Variants in NUDT3 observed in about 807,000 individuals in gnomAD.
NUDT3 encodes the protein nudix hydrolase 3.
NUDT3 carries 9 observed loss-of-function variants against 23.6 expected under a neutral mutation model. The ratio of observed to expected loss-of-function variants is 0.38; its 90% confidence interval spans 0.23 to 0.66. The LOEUF is 0.66. NUDT3 is among the 30% of genes least tolerant of loss of function. NUDT3 has a pLI of 0.52. For missense variants in NUDT3, 172 were observed against 218.5 expected (o/e 0.79, Z 1.34); for synonymous variants, 86 against 82.6 (o/e 1.04, Z -0.22).
chr6:34,314,390 TA>T (rs5875502), intron 2 of NUDT3, among the ~76,000 whole-genome samples: 40,524 of 123,932 alleles, frequency 0.33, 6,890 homozygotes, highest in East Asian at 0.48. Context: ...CTGTCTCTAC[TA>T]AAAAAAAAAA....
chr6:34,328,789 T>G (rs1165492483), intron 2 of NUDT3, among the ~76,000 whole-genome samples: 1 of 152,210 alleles, frequency 6.6e-6, no homozygotes, highest in Non-Finnish European at 1.5e-5. Context: ...ATACTTATGT[T>G]GAAATGATCA....
At chr6:34,345,009 AAAAAG>A (rs1764342887) in intron 1 of NUDT3, among the ~76,000 whole-genome samples, 1 of 152,012 alleles carries the variant, frequency 6.6e-6, no homozygotes, top group Non-Finnish European at 1.5e-5. Flanking sequence ...TTGATTAAAA[AAAAAG>A]AAAACTAGTT....
At chr6:34,293,561 A>G (rs1317607719) in intron 3 of NUDT3, 26 bp from the exon 4 acceptor site, 1 of 1,609,730 alleles carries the variant, frequency 6.2e-7, no homozygotes, top group Admixed American at 1.7e-5. Context: ...AGAAGGATAG[A>G]GAGAGTTTTT....
intron 1 of NUDT3, among the ~76,000 whole-genome samples, chr6:34,348,489 AG>A: frequency 6.6e-6 from 1 of 152,180 alleles, no homozygotes; most frequent in Admixed American, 6.5e-5. Flanking sequence ...CTCAAAAAAA[AG>A]AAACAGGCTG....
chr6:34,325,776 G>A (rs1409703145), intron 2 of NUDT3, among the ~76,000 whole-genome samples: 1 of 152,136 alleles, frequency 6.6e-6, no homozygotes, highest in African/African-American at 2.4e-5. Context: ...GACCAAAGGA[G>A]ATAAAAATAT....
At chr6:34,290,463 C>G (rs150949397) in intron 4 of NUDT3, among the ~76,000 whole-genome samples, 1 of 149,058 alleles carries the variant, frequency 6.7e-6, no homozygotes, top group Admixed American at 6.7e-5. Flanking sequence ...TCAAGTGATC[C>G]TCCTGCCTTA....
chr6:34,331,129 A>G (rs1164872977), intron 2 of NUDT3, among the ~76,000 whole-genome samples: 1 of 152,188 alleles, frequency 6.6e-6, no homozygotes, highest in Non-Finnish European at 1.5e-5. Flanking sequence ...TGCTGGGATA[A>G]TAAGGGTGAG....
chr6:34,327,702 A>G (rs965123344), intron 2 of NUDT3, among the ~76,000 whole-genome samples: 7 of 152,182 alleles, frequency 4.6e-5, no homozygotes, highest in Non-Finnish European at 8.8e-5. Flanking sequence ...AAGCTTCCAG[A>G]TGACTGTGGG....
intron 1 of NUDT3, among the ~76,000 whole-genome samples, chr6:34,390,727 G>A (rs1343706288): frequency 6.6e-6 from 1 of 152,056 alleles, no homozygotes; most frequent in Non-Finnish European, 1.5e-5. Flanking sequence ...TAATTGGGGT[G>A]CTCACAGATT....
chr6:34,392,134 C>G, intron 1 of NUDT3, 130 bp downstream of exon 1: 1 of 644,230 alleles, frequency 1.6e-6, no homozygotes, highest in Non-Finnish European at 2.5e-6. Flanking sequence ...TCAGGAAATT[C>G]CATCGGAACT....
At chr6:34,317,730 T>A (rs1398091307) in intron 2 of NUDT3, among the ~76,000 whole-genome samples, 1 of 152,204 alleles carries the variant, frequency 6.6e-6, no homozygotes, top group African/African-American at 2.4e-5. Context: ...CTCATCATTT[T>A]TCAATACATA....
intron 1 of NUDT3, among the ~76,000 whole-genome samples, chr6:34,348,731 G>A (rs906934908): frequency 4.6e-5 from 7 of 151,608 alleles, no homozygotes; most frequent in African/African-American, 7.3e-5. Flanking sequence ...AGCCAAGATC[G>A]CGCCACTGTA....
intron 2 of NUDT3, among the ~76,000 whole-genome samples, chr6:34,334,581 G>T (rs538042846): frequency 6.6e-6 from 1 of 152,124 alleles, no homozygotes; most frequent in African/African-American, 2.4e-5. Context: ...GGAGGTTGCA[G>T]TGAGCCAAGA....
chr6:34,369,994 G>T lies in NUDT3; in HGVS notation c.99+22270C>A, dbSNP rs9368809. On this transcript the variant is annotated intron_variant, in intron 1 of 4. Coordinates refer to ENST00000607016, the MANE Select transcript of NUDT3 (RefSeq NM_006703.4). ...ATTACCTAAAAACAAATTTTTTAAA[G>T]TTACATTTGAATAAAGCCCTGAAAC... Among the ~76,000 whole-genome samples the T allele has an allele frequency of 1.6e-4, 24 of 152,204 alleles. 1 individual carries two copies. In the East Asian group the frequency reaches 4.6e-3, roughly 29 times the overall value.
intron 1 of NUDT3, among the ~76,000 whole-genome samples, chr6:34,391,802 C>G (rs374180064): frequency 3.0e-4 from 45 of 151,680 alleles, no homozygotes; most frequent in African/African-American, 9.7e-4. Flanking sequence ...CGGCAAACCC[C>G]AAACCTGCCA....
chr6:34,370,370 G>A (rs1032783006), intron 1 of NUDT3, among the ~76,000 whole-genome samples: 12 of 152,170 alleles, frequency 7.9e-5, no homozygotes, highest in African/African-American at 2.9e-4. Flanking sequence ...TCCTCCTCAT[G>A]GCCTCAAAGT....
chr6:34,388,025 G>A (rs972409391), intron 1 of NUDT3, among the ~76,000 whole-genome samples: 4 of 151,940 alleles, frequency 2.6e-5, no homozygotes, highest in South Asian at 2.1e-4. Flanking sequence ...TTTTTGTACC[G>A]TATTTTTCCT....
At chr6:34,391,098 T>C (rs1188315266) in intron 1 of NUDT3, among the ~76,000 whole-genome samples, 1 of 152,188 alleles carries the variant, frequency 6.6e-6, no homozygotes, top group Non-Finnish European at 1.5e-5. Context: ...CAGGCAGTAA[T>C]TCAAATTCCC....
intron 2 of NUDT3, among the ~76,000 whole-genome samples, chr6:34,310,094 A>C (rs1233863479): frequency 1.3e-5 from 2 of 152,128 alleles, no homozygotes; most frequent in African/African-American, 4.8e-5. Flanking sequence ...TGAGCTGAGC[A>C]TAGTGGTCTG....
Sources: allele counts gnomAD v4.1 joint callset (sites outside exome capture counted in the v4.1 genomes callset), GRCh38; gene constraint gnomAD v4.1.1; transcripts MANE v1.5; gene names NCBI Gene and HGNC (gene_info 2026-07-23, HGNC 2026-07-21).